Variants in MAP2K6 observed in about 807,000 individuals in gnomAD.
MAP2K6 encodes the protein mitogen-activated protein kinase kinase 6.
A neutral mutation model predicts 53.7 loss-of-function variants in MAP2K6; 16 were observed. The ratio of observed to expected loss-of-function variants is 0.30; its 90% CI spans 0.20 to 0.45. The LOEUF is 0.45. Ranked by LOEUF, MAP2K6 falls within the 20% of genes least tolerant of loss-of-function variation. The probability of loss-of-function intolerance (pLI) is 1.00; values close to 1 mark genes in which losing one functional copy is unlikely to be tolerated. For synonymous variants in MAP2K6, 132 were observed against 143.1 expected (o/e 0.92, Z 0.55); for missense variants, 204 against 411.9 (o/e 0.50, Z 4.37).
intron 1 of MAP2K6, among the ~76,000 whole-genome samples, chr17:69,440,611 A>T (rs888840545): frequency 2.5e-4 from 38 of 151,780 alleles, no homozygotes; most frequent in African/African-American, 7.5e-4. Context: ...CATTTTTTTT[A>T]AAAAAACAGT....
chr17:69,496,723 CTGTT>C (rs1000498820), intron 1 of MAP2K6, among the ~76,000 whole-genome samples: 8 of 151,964 alleles, frequency 5.3e-5, no homozygotes, highest in Admixed American at 3.9e-4. Flanking sequence ...TTCTACCTCT[CTGTT>C]TGTCATTCCC....
At chr17:69,527,035 G>C (rs933041432) in intron 10 of MAP2K6, among the ~76,000 whole-genome samples, 2 of 152,130 alleles carry the variant, frequency 1.3e-5, no homozygotes, top group African/African-American at 4.8e-5. Context: ...CTGGAGCTGC[G>C]ATCACGAGAG....
intron 1 of MAP2K6, among the ~76,000 whole-genome samples, chr17:69,424,721 C>G (rs1165765120): frequency 1.3e-5 from 2 of 152,136 alleles, no homozygotes; most frequent in African/African-American, 4.8e-5. Flanking sequence ...ATACCAGGGC[C>G]AAGTATGGTA....
In MAP2K6 at chr17:69,414,965, C is replaced by G. The variant is rs1195232274; in HGVS notation, c.-20C>G. On this transcript the variant is annotated 5_prime_UTR_variant, in exon 1 of 12. Transcript: ENST00000590474. The stretch of plus-strand genomic sequence containing the variant: ...GCAAAGTCTTTTGTGCTCCCCTCCC[C>G]CATCAAAGGAAAGGGGAAAATGTCT... 6.5e-7 allele frequency: 1 copy of G among 1,548,148 alleles called. No individual in the cohort carries two copies. Among genetic ancestry groups the G allele is most frequent in the Non-Finnish European group, 8.9e-7 (1 of 1,120,204 alleles).
intron 1 of MAP2K6, among the ~76,000 whole-genome samples, chr17:69,475,230 G>A (rs952917410): frequency 2.0e-5 from 3 of 147,558 alleles, no homozygotes; most frequent in South Asian, 4.3e-4. Flanking sequence ...GTGCGGTGGC[G>A]CGATCTCGGC....
chr17:69,489,164 G>A (rs1908652415), intron 1 of MAP2K6, among the ~76,000 whole-genome samples: 1 of 148,740 alleles, frequency 6.7e-6, no homozygotes, highest in Admixed American at 6.8e-5. Context: ...AGGTTGCAGT[G>A]AGCTGAGATT....
Position 69,547,887 on chromosome 17 carries a change from A to G in MAP2K6, c.*6134A>G, listed in dbSNP as rs1239574236. 6.6e-6 allele frequency: 1 copy of G among 152,204 alleles called. No individual in the cohort carries two copies. Among genetic ancestry groups the G allele is most frequent in the Admixed American group, 6.5e-5 (1 of 15,278 alleles). The allele number at this position is 152,204 out of a possible 1,614,324, so 9.4% of individuals were successfully genotyped here. On this transcript the variant is annotated 3_prime_UTR_variant, in exon 12 of 12. Coordinates refer to ENST00000590474, the MANE Select transcript of MAP2K6 (RefSeq NM_002758.4). ...TCTTTCTGTAGTGTGGTTTATACAC[A>G]AGGAGAATCACGAACCCAGACACTA...
At chr17:69,425,128 CT>C (rs1432214973) in intron 1 of MAP2K6, among the ~76,000 whole-genome samples, 1 of 152,070 alleles carries the variant, frequency 6.6e-6, no homozygotes, top group East Asian at 1.9e-4. Context: ...GGCTTAGTGA[CT>C]TTTTTTCTTC....
At chr17:69,498,987 A>G (rs893846545) in intron 1 of MAP2K6, among the ~76,000 whole-genome samples, 2 of 152,102 alleles carry the variant, frequency 1.3e-5, no homozygotes, top group African/African-American at 4.8e-5. Flanking sequence ...GGTATTAGAC[A>G]CCGTGTTAAG....
chr17:69,462,421 G>A (rs532038292), intron 1 of MAP2K6, among the ~76,000 whole-genome samples: 2 of 152,126 alleles, frequency 1.3e-5, no homozygotes, highest in South Asian at 2.1e-4. Flanking sequence ...AGCCATCTAC[G>A]TTTTCCTCTA....
chr17:69,420,553 G>C (rs141934094), intron 1 of MAP2K6, among the ~76,000 whole-genome samples: 4 of 152,252 alleles, frequency 2.6e-5, no homozygotes, highest in African/African-American at 9.6e-5. Context: ...AGAATTTAGA[G>C]CTATGAAAGT....
At position 69,542,863 on chromosome 17, in the gene MAP2K6, C is replaced by T. The variant is rs1911705786; in HGVS notation, c.*1110C>T. ...AGCAGCCTTACTATTCATAGAAGGG[C>T]TAGAATAGGAGAAAATGAAAGGTAG... On this transcript the variant is annotated 3_prime_UTR_variant, in exon 12 of 12. Coordinates refer to ENST00000590474, the MANE Select transcript of MAP2K6 (RefSeq NM_002758.4). The T allele has an allele frequency of 6.6e-6, 1 of 152,038 alleles. No individual in the cohort carries two copies. Among genetic ancestry groups the T allele is most frequent in the East Asian group, 1.9e-4 (1 of 5,188 alleles). 9.4% of individuals were successfully genotyped at this position (152,038 alleles called of 1,614,324 possible).
At chr17:69,510,796 A>G (rs917829297) in intron 2 of MAP2K6, among the ~76,000 whole-genome samples, 34 of 149,794 alleles carry the variant, frequency 2.3e-4, no homozygotes, top group Non-Finnish European at 2.5e-4. Context: ...ATCTGTTGTG[A>G]CATCCTTTTT....
At chr17:69,487,195 A>T (rs1040553117) in intron 1 of MAP2K6, among the ~76,000 whole-genome samples, 2 of 152,190 alleles carry the variant, frequency 1.3e-5, no homozygotes, top group Non-Finnish European at 2.9e-5. Flanking sequence ...AATAATCCTT[A>T]CACGAGCTAG....
chr17:69,490,756 G>C (rs1908712492), intron 1 of MAP2K6, among the ~76,000 whole-genome samples: 1 of 151,892 alleles, frequency 6.6e-6, no homozygotes, highest in African/African-American at 2.4e-5. Context: ...TACATGTGCA[G>C]GTTTGTTATA....
At chr17:69,486,791 AAC>A (rs2145197642) in intron 1 of MAP2K6, among the ~76,000 whole-genome samples, 1 of 152,186 alleles carries the variant, frequency 6.6e-6, no homozygotes, top group East Asian at 1.9e-4. Context: ...TTCGTTTGTA[AAC>A]ACACTACAGA....
At chr17:69,510,534 G>T (rs1026903701) in intron 2 of MAP2K6, among the ~76,000 whole-genome samples, 5 of 152,016 alleles carry the variant, frequency 3.3e-5, no homozygotes, top group Admixed American at 3.3e-4. Flanking sequence ...TAATATTGGT[G>T]CTAATTATTT....
intron 4 of MAP2K6, among the ~76,000 whole-genome samples, chr17:69,518,885 A>G (rs139091758): frequency 2.6e-5 from 4 of 152,328 alleles, no homozygotes; most frequent in African/African-American, 7.2e-5. Context: ...AGCTGTACCA[A>G]TTCTCTTACA....
chr17:69,523,768 T>C, intron 8 of MAP2K6, 127 bp downstream of exon 8: 1 of 1,174,210 alleles, frequency 8.5e-7, no homozygotes, highest in South Asian at 1.5e-5. Flanking sequence ...AGTCTGCCTC[T>C]TAGTATTTCT....
Sources: gnomAD v4.1 joint callset for allele counts (sites outside exome capture counted in the v4.1 genomes callset) on GRCh38, gnomAD v4.1.1 for gene constraint, MANE v1.5 for transcripts, NCBI Gene and HGNC (gene_info 2026-07-23, HGNC 2026-07-21) for gene names.